The following CAPN13 variants were observed in gnomAD, a reference collection of about 807,000 sequenced individuals.
The protein encoded by CAPN13 is calpain-13.
CAPN13 carries 90 observed loss-of-function variants against 98.4 expected under a neutral mutation model. The observed-to-expected ratio is 0.92, with a 90% CI of 0.77 to 1.09. The LOEUF (loss-of-function observed/expected upper bound fraction) is 1.09. Ranked by LOEUF, CAPN13 falls within the 50% of genes least tolerant of loss-of-function variation. The probability of loss-of-function intolerance (pLI) is 0.00; values close to 1 mark genes in which losing one functional copy is unlikely to be tolerated. For synonymous variants in CAPN13, 330 were observed against 305.5 expected, an observed-to-expected ratio of 1.08 and a Z score of -0.84; for missense variants, 887 against 841.3, an observed-to-expected ratio of 1.05 and a Z score of -0.67.
rs538942447 is a variant in CAPN13 at position 30,738,866 on chromosome 2, ATGTGTGTGTGTTGTGTGTATGTG to A, written c.1537-432_1537-410del. Among the ~76,000 whole-genome samples, 362 of 135,212 alleles carry A rather than the reference ATGTGTGTGTGTTGTGTGTATGTG, an allele frequency of 2.7e-3. 2 individuals are homozygous for A. Among genetic ancestry groups the A allele is most frequent in the African/African-American group, 9.7e-3 (347 of 35,608 alleles). 88.7% of individuals were successfully genotyped at this position (135,212 alleles called of 152,430 possible). Reference sequence around the variant, plus strand: ...AGGAAAAACTATGACTACTGTGTGCATGTGTGTGTGTTGTGTGTATGTGTGTGTGTGTGCGTGCACGTGTGTGA... The same window carrying A: ...AGGAAAAACTATGACTACTGTGTGCATGTGTGTGTGCGTGCACGTGTGTGA... On this transcript the variant is annotated intron_variant, in intron 15 of 22. Coordinates refer to ENST00000295055, the MANE Select transcript of CAPN13 (RefSeq NM_144575.3).
At chr2:30,801,795 C>T (rs766276646) in intron 1 of CAPN13, among the ~76,000 whole-genome samples, 1 of 151,832 alleles carries the variant, frequency 6.6e-6, no homozygotes, top group African/African-American at 2.4e-5. Context: ...ATGAGATGGC[C>T]CAGACGCAGG....
chr2:30,756,473 C>T (rs1672458083), intron 8 of CAPN13, among the ~76,000 whole-genome samples: 2 of 152,206 alleles, frequency 1.3e-5, no homozygotes, highest in Admixed American at 6.5e-5. Context: ...TCCCCTGTTG[C>T]CTTCACTGGT....
chr2:30,743,798 C>G, intron 12 of CAPN13: 1 of 669,638 alleles, frequency 1.5e-6, no homozygotes, highest in East Asian at 2.8e-5. Flanking sequence ...CAAGGAAATA[C>G]CACACACAGT....
At position 30,800,137 on chromosome 2, in the gene CAPN13, AAAG is replaced by A. The variant is rs1558351546; in HGVS notation, c.-33+7162_-33+7164del. 3.1e-3 allele frequency among the ~76,000 whole-genome samples: 460 copies of A among 147,248 alleles called. 1 individual carries two copies. The highest frequency in any genetic ancestry group is 0.011 in the African/African-American group (444 of 38,980). On this transcript the variant is annotated intron_variant, in intron 1 of 22. Transcript: ENST00000295055. ...AAAGAAAAGAAAGAAAGAAAGAAAG[AAAG>A]AAAGAAAGAAAGAAAGAAAGAAAGA... is the stretch of plus-strand genomic sequence containing the variant.
In CAPN13 at chr2:30,732,597, G is replaced by A. The variant is rs17010089; in HGVS notation, c.1799-31C>T. ...GCCACAGGTGAACGAGTGAGTGAGA[G>A]GAGGCTAGGGCTCGGGGGTTCCTCT... is the stretch of plus-strand genomic sequence containing the variant. On this transcript the variant is annotated intron_variant, in intron 19 of 22. Coordinates refer to ENST00000295055, the MANE Select transcript of CAPN13 (RefSeq NM_144575.3). The A allele has an allele frequency of 2.7e-3, 4,359 of 1,594,152 alleles. 101 individuals are homozygous for A. In the African/African-American group the frequency reaches 0.05, roughly 18 times the overall value.
intron 15 of CAPN13, chr2:30,741,401 G>A: frequency 1.0e-6 from 1 of 989,396 alleles, no homozygotes; most frequent in South Asian, 4.6e-5. Context: ...ATTGTGCAGA[G>A]CCCCTGGCAG....
intron 15 of CAPN13, among the ~76,000 whole-genome samples, chr2:30,739,323 C>T (rs780176747): frequency 2.0e-5 from 3 of 152,052 alleles, no homozygotes; most frequent in Non-Finnish European, 4.4e-5. Context: ...TGTAGAGTGG[C>T]ACTGGTCATG....
rs763603777 is a variant in CAPN13, at chr2:30,758,060, C to T, written c.852G>A (p.Gly284=). The change falls in exon 8 of 23, where the codon GGG becomes GGA. Residue 284 remains glycine (G), a synonymous_variant. Transcript: ENST00000295055. ...AGAAGCCATACCCATCACTCCAGCG[C>T]CCTCTCCATTCGGCCTCGCCCCAGC... ...PWGWGEAEWR[G]RWSDGSQEWE... is the part of the protein sequence containing the mutation. 4.7e-5 allele frequency: 75 copies of T among 1,610,962 alleles called. No homozygotes were observed. In the Admixed American group the frequency reaches 1.2e-3, roughly 27 times the overall value.
At chr2:30,745,107 G>A (rs374097758) in intron 12 of CAPN13, 11 of 436,788 alleles carry the variant, frequency 2.5e-5, no homozygotes, top group African/African-American at 2.2e-4. Flanking sequence ...TGGTCCCCAG[G>A]CAGATGCACC....
At chr2:30,758,221 C>A in intron 7 of CAPN13, 84 bp from the exon 8 acceptor site, 2 of 996,216 alleles carry the variant, frequency 2.0e-6, no homozygotes, top group Non-Finnish European at 1.4e-6. Flanking sequence ...CTTTTTACCT[C>A]CAAGGACCAA....
chr2:30,776,565 T>C (rs1007139939), intron 3 of CAPN13, among the ~76,000 whole-genome samples: 2 of 152,186 alleles, frequency 1.3e-5, no homozygotes, highest in Non-Finnish European at 2.9e-5. Flanking sequence ...TTGGCAATGA[T>C]GCTGTGTACA....
chr2:30,782,230 C>G (rs1405243074), intron 2 of CAPN13, among the ~76,000 whole-genome samples: 1 of 152,208 alleles, frequency 6.6e-6, no homozygotes, highest in African/African-American at 2.4e-5. Flanking sequence ...TCTGCATTCT[C>G]TCTAAAGACT....
chr2:30,733,843 T>C (rs971471595), intron 19 of CAPN13, among the ~76,000 whole-genome samples: 2 of 152,192 alleles, frequency 1.3e-5, no homozygotes, highest in Non-Finnish European at 2.9e-5. Flanking sequence ...TTGTCACCCA[T>C]TTTCCCCATT....
At chr2:30,771,284 G>T (rs1673396592) in intron 4 of CAPN13, among the ~76,000 whole-genome samples, 1 of 152,198 alleles carries the variant, frequency 6.6e-6, no homozygotes. Flanking sequence ...CTTCAGCCCT[G>T]AGCTTTGGCA....
intron 1 of CAPN13, among the ~76,000 whole-genome samples, chr2:30,798,029 G>A (rs1387266254): frequency 1.3e-5 from 2 of 152,248 alleles, no homozygotes; most frequent in African/African-American, 2.4e-5. Context: ...TCAGACGGTG[G>A]AAGGAGTCAG....
At chr2:30,744,307 A>C (rs1422574726) in intron 12 of CAPN13, among the ~76,000 whole-genome samples, 1 of 152,208 alleles carries the variant, frequency 6.6e-6, no homozygotes, top group African/African-American at 2.4e-5. Context: ...TTTCAGGGGT[A>C]GGGACAGGGC....
intron 17 of CAPN13, chr2:30,737,175 A>C (rs917930497): frequency 6.5e-6 from 1 of 152,758 alleles, no homozygotes; most frequent in Non-Finnish European, 1.5e-5. Context: ...GGGCCGTGGC[A>C]CTGTGAGGAC....
At chr2:30,734,614 C>T (rs1164395658) in intron 18 of CAPN13, 90 bp from the exon 19 acceptor site, 5 of 1,030,214 alleles carry the variant, frequency 4.9e-6, no homozygotes, top group East Asian at 2.5e-5. Context: ...TTCCCTAAAC[C>T]TCAGAGGAAG....
intron 18 of CAPN13, among the ~76,000 whole-genome samples, chr2:30,734,728 C>T (rs559614410): frequency 6.6e-6 from 1 of 152,228 alleles, no homozygotes; most frequent in Non-Finnish European, 1.5e-5. Context: ...CCTCCTCACC[C>T]ATGCTCCTTC....
Sources: gnomAD v4.1 joint callset for allele counts (sites outside exome capture counted in the v4.1 genomes callset) on GRCh38, gnomAD v4.1.1 for gene constraint, MANE v1.5 for transcripts, NCBI Gene and HGNC (gene_info 2026-07-23, HGNC 2026-07-21) for gene names.